Variants in ZNF662 observed in about 807,000 individuals in gnomAD.
ZNF662 encodes zinc finger protein 662.
In ZNF662, 14 loss-of-function variants were observed where a neutral mutation model predicts 12.4. That is an observed-to-expected ratio of 1.13 (90% confidence interval 0.75 to 1.77). The LOEUF is 1.77. ZNF662 is among the 40% of genes most tolerant of loss of function. ZNF662 has a pLI of 0.00. For synonymous variants in ZNF662, 184 were observed against 176.4 expected, an observed-to-expected ratio of 1.04 and a Z score of -0.34; for missense variants, 550 against 515.6, an observed-to-expected ratio of 1.07 and a Z score of -0.65.
At chr3:42,912,638 T>TTTTTTATATATATAAATATATATATATA (rs2088824828) in intron 3 of ZNF662, among the ~76,000 whole-genome samples, 2 of 75,004 alleles carry the variant, frequency 2.7e-5, no homozygotes, top group Non-Finnish European at 5.2e-5. Context: ...TATTTATATA[T>TTTTTTATATATATAAATATATATATATA]TTTATATATA....
Position 42,910,367 on chromosome 3 carries a change from G to C in ZNF662, c.151+1458G>C, listed in dbSNP as rs533763660. 7.2e-5 allele frequency among the ~76,000 whole-genome samples: 11 copies of C among 152,248 alleles called. No homozygotes were observed. In the South Asian group the frequency reaches 2.3e-3, roughly 32 times the overall value. On this transcript the variant is annotated intron_variant, in intron 3 of 4. Coordinates refer to ENST00000440367, the MANE Select transcript of ZNF662 (RefSeq NM_207404.4). Reference sequence around the variant, plus strand: ...CAAAGAGGGAGAGGGGGAGGGGGAAGGGGAGAGGGAGAGCTTTTATATCTT... The same window carrying C: ...CAAAGAGGGAGAGGGGGAGGGGGAACGGGAGAGGGAGAGCTTTTATATCTT...
intron 4 of ZNF662, 108 bp downstream of exon 4, chr3:42,913,410 G>A (rs1426832356): frequency 1.9e-5 from 16 of 831,302 alleles, no homozygotes; most frequent in East Asian, 2.6e-5. Flanking sequence ...ACAAATATGG[G>A]GACCAGATCC....
chr3:42,912,693 A>ATAAATATATATATATATT (rs377231571), intron 3 of ZNF662, among the ~76,000 whole-genome samples: 1 of 53,094 alleles, frequency 1.9e-5, no homozygotes, highest in Non-Finnish European at 3.1e-5. Context: ...ATATATATAT[A>ATAAATATATATATATATT]TTTTATATAT....
In ZNF662 at chr3:42,915,168, T is replaced by G. The variant is rs756227020; in HGVS notation, c.1095T>G (p.Cys365Trp). Reference protein sequence around the residue: ...TGDKPHECTDCGKSFFCKAHL... With the variant: ...TGDKPHECTDWGKSFFCKAHL... ...ACAAGCCTCATGAATGTACTGACTG[T>G]GGGAAAAGCTTCTTTTGCAAGGCAC... The change falls in exon 5 of 5, where the codon TGT (cysteine) becomes TGG (tryptophan). Residue 365 changes from cysteine to tryptophan, a missense_variant. Coordinates refer to ENST00000440367, the MANE Select transcript of ZNF662 (RefSeq NM_207404.4). 1 of 1,614,032 alleles carries G rather than the reference T, an allele frequency of 6.2e-7. No homozygotes were observed. The highest frequency in any genetic ancestry group is 1.3e-5 in the African/African-American group (1 of 74,900).
chr3:42,914,840 C>A lies in ZNF662; in HGVS notation c.767C>A (p.Ala256Asp). 1 of 1,613,760 alleles carries A rather than the reference C, an allele frequency of 6.2e-7. No homozygotes were observed. The highest frequency in any genetic ancestry group is 8.5e-7 in the Non-Finnish European group (1 of 1,179,960). The change falls in exon 5 of 5, where the codon GCC becomes GAC. Residue 256 changes from alanine (A) to aspartate (D), a missense_variant. By Grantham distance (126) the Ala-to-Asp change is moderately radical. Transcript: ENST00000440367. ...KPYECQECAK[A>D]FVWKSNLIRH... ...TATGAATGTCAAGAATGTGCTAAGG[C>A]CTTTGTTTGGAAGTCAAACCTGATT...
In ZNF662 at chr3:42,906,302, C is replaced by T. The variant is rs1402675491; in HGVS notation, c.-94+134C>T. 5 of 1,512,162 alleles carry T rather than the reference C, an allele frequency of 3.3e-6. No homozygotes were observed. The highest frequency in any genetic ancestry group is 2.8e-5 in the African/African-American group (2 of 70,302). 93.7% of individuals were successfully genotyped at this position (1,512,162 alleles called of 1,614,324 possible). On this transcript the variant is annotated intron_variant, in intron 1 of 4. Coordinates refer to ENST00000440367, the MANE Select transcript of ZNF662 (RefSeq NM_207404.4). The surrounding 1 kb of genome is among the most constrained non-coding windows in gnomAD (Gnocchi z 4.4). ...AGCGCTCTTCCGCGACCCCAACAGC[C>T]TCTGGTCCGGTCTGGCGCGCCCTCG...
rs760232360 is a variant in ZNF662, at chr3:42,915,070, G to A, written c.997G>A (p.Glu333Lys). 63 of 1,614,186 alleles carry A rather than the reference G, an allele frequency of 3.9e-5. No homozygotes were observed. The highest frequency in any genetic ancestry group is 1.6e-4 in the Middle Eastern group (1 of 6,062). ...QRMHTGEKPY[E>K]CKDCGKGFMW... is the part of the protein sequence containing the mutation. ...AATGCACACTGGGGAGAAGCCTTAC[G>A]AATGTAAGGACTGTGGGAAGGGCTT... is the stretch of plus-strand genomic sequence containing the variant. The change falls in exon 5 of 5, where the codon GAA becomes AAA. Residue 333 changes from glutamate (E) to lysine (K), a missense_variant. Coordinates refer to ENST00000440367, the MANE Select transcript of ZNF662 (RefSeq NM_207404.4).
intron 3 of ZNF662, among the ~76,000 whole-genome samples, chr3:42,912,422 A>AAT (rs1382456995): frequency 9.1e-5 from 9 of 98,408 alleles, no homozygotes; most frequent in African/African-American, 2.9e-4. Context: ...TATATATATT[A>AAT]ATATATATAT....
At chr3:42,908,631 T>G in intron 2 of ZNF662, 162 bp from the exon 3 acceptor site, 1 of 1,467,720 alleles carries the variant, frequency 6.8e-7, no homozygotes, top group African/African-American at 1.4e-5. Flanking sequence ...GTAAGTCTCC[T>G]GGCCCCTCTC....
At chr3:42,911,586 C>G (rs1418626086) in intron 3 of ZNF662, among the ~76,000 whole-genome samples, 1 of 152,186 alleles carries the variant, frequency 6.6e-6, no homozygotes, top group East Asian at 1.9e-4. Context: ...CCACTTTTGT[C>G]TTACAGAAGT....
At chr3:42,910,093 G>A (rs143368743) in intron 3 of ZNF662, among the ~76,000 whole-genome samples, 1 of 152,324 alleles carries the variant, frequency 6.6e-6, no homozygotes, top group Non-Finnish European at 1.5e-5. Context: ...GACTCTGTCT[G>A]CAATCCTGGC....
chr3:42,911,054 G>C lies in ZNF662; in HGVS notation c.151+2145G>C, dbSNP rs146011656. Among the ~76,000 whole-genome samples, 60 of 152,286 alleles carry C rather than the reference G, an allele frequency of 3.9e-4. No homozygotes were observed. The East Asian group carries it at 0.011, about 28-fold the overall frequency. On this transcript the variant is annotated intron_variant, in intron 3 of 4. Coordinates refer to ENST00000440367, the MANE Select transcript of ZNF662 (RefSeq NM_207404.4). Reference sequence around the variant, plus strand: ...TGATTGGTGGTAGTAACAGGACTCTGCTGCTTCATACCTAGGTGAAGAAAC... The same window carrying C: ...TGATTGGTGGTAGTAACAGGACTCTCCTGCTTCATACCTAGGTGAAGAAAC...
chr3:42,914,856 A>G lies in ZNF662; in HGVS notation c.783A>G (p.Ser261=). ...QECAKAFVWK[S]NLIRHQRIHT... Reference sequence around the variant, plus strand: ...GTGCTAAGGCCTTTGTTTGGAAGTCAAACCTGATTCGTCACCAGAGAATAC... The same window carrying G: ...GTGCTAAGGCCTTTGTTTGGAAGTCGAACCTGATTCGTCACCAGAGAATAC... Residue 261 remains serine, a synonymous_variant, in exon 5 of 5, where the codon TCA becomes TCG. Coordinates refer to ENST00000440367, the MANE Select transcript of ZNF662 (RefSeq NM_207404.4). 6.2e-7 allele frequency: 1 copy of G among 1,614,114 alleles called. No individual in the cohort carries two copies. Among genetic ancestry groups the G allele is most frequent in the Non-Finnish European group, 8.5e-7 (1 of 1,180,010 alleles).
Position 42,911,255 on chromosome 3 carries a change from G to A in ZNF662, c.152-1946G>A, listed in dbSNP as rs533703746. Among the ~76,000 whole-genome samples, 9 of 152,272 alleles carry A rather than the reference G, an allele frequency of 5.9e-5. No individual in the cohort carries two copies. The South Asian group carries it at 1.7e-3, about 28-fold the overall frequency. On this transcript the variant is annotated intron_variant, in intron 3 of 4. Transcript: ENST00000440367. ...TGAATCAGTCTCTCATGTAGTGAGT[G>A]GGATGGGATTAACCTGCTTAGCTTA... is the stretch of plus-strand genomic sequence containing the variant.
chr3:42,917,868 A>G lies in ZNF662; in HGVS notation c.*2514A>G, dbSNP rs2088910103. On this transcript the variant is annotated 3_prime_UTR_variant, in exon 5 of 5. Coordinates refer to ENST00000440367, the MANE Select transcript of ZNF662 (RefSeq NM_207404.4). ...ACGCCTGTAATCCCATCACTTTGGG[A>G]GGCCAAGGTGGGCAGATCACCTGAG... Among the ~76,000 whole-genome samples, 1 of 152,168 alleles carries G rather than the reference A, an allele frequency of 6.6e-6. No homozygotes were observed. Among genetic ancestry groups the G allele is most frequent in the African/African-American group, 2.4e-5 (1 of 41,438 alleles).
intron 4 of ZNF662, 152 bp from the exon 5 acceptor site, chr3:42,914,175 A>T: frequency 1.6e-6 from 1 of 615,044 alleles, no homozygotes; most frequent in East Asian, 2.8e-5. Flanking sequence ...CTTTCTGTGT[A>T]TTAGCCTTGT....
chr3:42,914,243 G>A, intron 4 of ZNF662, 84 bp from the exon 5 acceptor site: 1 of 1,245,420 alleles, frequency 8.0e-7, no homozygotes, highest in Non-Finnish European at 1.1e-6. Flanking sequence ...TTGGAGAGAA[G>A]TGGACGTATT....
intron 2 of ZNF662, chr3:42,908,395 G>A (rs1177596934): frequency 3.1e-6 from 4 of 1,308,962 alleles, no homozygotes; most frequent in African/African-American, 1.5e-5. Context: ...TGTGGGTATA[G>A]TGAGAAGAGA....
Position 42,917,646 on chromosome 3 carries a change from G to C in ZNF662, c.*2292G>C. 3 of 672,850 alleles carry C rather than the reference G, an allele frequency of 4.5e-6. No homozygotes were observed. The highest frequency in any genetic ancestry group is 8.0e-6 in the Non-Finnish European group (3 of 375,774). The allele number at this position is 672,850 out of a possible 1,614,324, so 41.7% of individuals were successfully genotyped here. A position where few individuals can be genotyped will look rare whatever the true frequency, so the allele number is the denominator to read the frequency against. ...CAATAAACATCTGTCAAACGAGTTAGAGTTGAGTTTTCTGTTATTTGCAAC... is the reference window on the plus strand; with the variant it reads ...CAATAAACATCTGTCAAACGAGTTACAGTTGAGTTTTCTGTTATTTGCAAC... On this transcript the variant is annotated 3_prime_UTR_variant, in exon 5 of 5. Transcript: ENST00000440367.
Sources: gnomAD v4.1 joint callset for allele counts (sites outside exome capture counted in the v4.1 genomes callset) on GRCh38, gnomAD v4.1.1 for gene constraint, Gnocchi (gnomAD v3.1) non-coding constraint, MANE v1.5 for transcripts, NCBI Gene and HGNC (gene_info 2026-07-23, HGNC 2026-07-21) for gene names.